Variants in ACBD6 observed in about 807,000 individuals in gnomAD.
ACBD6 encodes the protein acyl-CoA-binding domain-containing protein 6.
Under a neutral mutation model 37.2 loss-of-function variants are expected in ACBD6, and 28 were observed. The observed-to-expected ratio is 0.75, with a 90% confidence interval of 0.56 to 1.03. The LOEUF (loss-of-function observed/expected upper bound fraction) is 1.03, where lower values mean the gene tolerates loss of function less well. Among genes scored for constraint, ACBD6 ranks in the 50% least tolerant of loss-of-function variants. The pLI, the probability that ACBD6 is intolerant of heterozygous loss-of-function variation, is 0.00. For synonymous variants in ACBD6, 113 were observed against 126.8 expected (o/e 0.89, Z 0.73); for missense variants, 340 against 337.4 (o/e 1.01, Z -0.06).
chr1:180,322,097 T>C (rs1651097577), intron 6 of ACBD6, among the ~76,000 whole-genome samples: 1 of 152,170 alleles, frequency 6.6e-6, no homozygotes, highest in Non-Finnish European at 1.5e-5. Flanking sequence ...TCAAATACTT[T>C]TTCAGCATCA....
At chr1:180,395,913 G>C (rs371604097) in intron 6 of ACBD6, among the ~76,000 whole-genome samples, 3 of 152,144 alleles carry the variant, frequency 2.0e-5, no homozygotes, top group African/African-American at 7.2e-5. Context: ...AAGTGCCACA[G>C]ATATTGGAAT....
intron 7 of ACBD6, among the ~76,000 whole-genome samples, chr1:180,292,792 T>C (rs1184216819): frequency 6.6e-6 from 1 of 152,230 alleles, no homozygotes; most frequent in Admixed American, 6.5e-5. Context: ...AGTGGATATC[T>C]TTGTCCACAG....
chr1:180,373,257 C>G (rs1266770399), intron 6 of ACBD6, among the ~76,000 whole-genome samples: 1 of 152,140 alleles, frequency 6.6e-6, no homozygotes, highest in Non-Finnish European at 1.5e-5. Context: ...CTAATTTCAG[C>G]TTTCCAAACA....
At chr1:180,355,337 C>T (rs947373501) in intron 6 of ACBD6, among the ~76,000 whole-genome samples, 17 of 152,272 alleles carry the variant, frequency 1.1e-4, no homozygotes, top group Non-Finnish European at 2.4e-4. Flanking sequence ...TATCTTCATA[C>T]GTATATGGAG....
intron 4 of ACBD6, among the ~76,000 whole-genome samples, chr1:180,424,580 T>G (rs185682022): frequency 1.7e-4 from 26 of 152,316 alleles, no homozygotes; most frequent in Admixed American, 8.5e-4. Context: ...ATTACTGTAA[T>G]GGATACAGTA....
Position 180,447,347 on chromosome 1 carries a change from C to T in ACBD6, c.385-17085G>A, listed in dbSNP as rs147998089. On this transcript the variant is annotated intron_variant, in intron 3 of 7. Transcript: ENST00000367595. ...TTTTACATATAATTAATATGGTCAA[C>T]AGAACTCCGAAGATTCTCTTATAGT... 7.8e-4 allele frequency among the ~76,000 whole-genome samples: 119 copies of T among 152,204 alleles called. 1 individual carries two copies. In the Middle Eastern group the frequency reaches 0.01, roughly 13 times the overall value.
intron 6 of ACBD6, among the ~76,000 whole-genome samples, chr1:180,342,006 C>T (rs1652001865): frequency 6.6e-6 from 1 of 152,136 alleles, no homozygotes; most frequent in Non-Finnish European, 1.5e-5. Flanking sequence ...TTCTTGTTTG[C>T]TGTGTTCCTC....
chr1:180,483,350 C>T (rs1396116774), intron 3 of ACBD6, among the ~76,000 whole-genome samples: 1 of 152,172 alleles, frequency 6.6e-6, no homozygotes, highest in Non-Finnish European at 1.5e-5. Flanking sequence ...CCCTATCCTT[C>T]TTCCCTGCTT....
At chr1:180,502,023 C>A (rs1652001761) in intron 1 of ACBD6, 22 bp downstream of exon 1, 1 of 1,610,592 alleles carries the variant, frequency 6.2e-7, no homozygotes, top group Non-Finnish European at 8.5e-7. Flanking sequence ...CTCCCCCATC[C>A]ACCCTCTCCC....
At chr1:180,374,385 C>T in intron 6 of ACBD6, among the ~76,000 whole-genome samples, 1 of 152,130 alleles carries the variant, frequency 6.6e-6, no homozygotes, top group East Asian at 1.9e-4. Flanking sequence ...ATTTCTTCCT[C>T]AGTACCTGAA....
intron 6 of ACBD6, among the ~76,000 whole-genome samples, chr1:180,381,275 T>C (rs1440494149): frequency 6.6e-6 from 1 of 152,210 alleles, no homozygotes; most frequent in East Asian, 1.9e-4. Flanking sequence ...TTGGGGACTT[T>C]AATACACCAT....
chr1:180,486,783 G>C (rs1477470107), intron 3 of ACBD6, among the ~76,000 whole-genome samples: 1 of 152,154 alleles, frequency 6.6e-6, no homozygotes, highest in Non-Finnish European at 1.5e-5. Context: ...TCATAGTAAA[G>C]AAGTCTGGCA....
chr1:180,484,679 CGTCT>C (rs994856837), intron 3 of ACBD6, among the ~76,000 whole-genome samples: 2 of 148,438 alleles, frequency 1.3e-5, no homozygotes, highest in Admixed American at 1.3e-4. Flanking sequence ...CATGTATACA[CGTCT>C]GTGTCTACAA....
chr1:180,364,375 T>C (rs989344159), intron 6 of ACBD6, among the ~76,000 whole-genome samples: 6 of 152,234 alleles, frequency 3.9e-5, no homozygotes, highest in East Asian at 1.9e-4. Flanking sequence ...AAAAGGGACA[T>C]TGATTCAGTA....
At position 180,333,404 on chromosome 1, in the gene ACBD6, T is replaced by C. The variant is rs554333689; in HGVS notation, c.664-18682A>G. Among the ~76,000 whole-genome samples, 13 of 152,286 alleles carry C rather than the reference T, an allele frequency of 8.5e-5. No homozygotes were observed. The South Asian group carries it at 2.5e-3, about 29-fold the overall frequency. On this transcript the variant is annotated intron_variant, in intron 6 of 7. Coordinates refer to ENST00000367595, the MANE Select transcript of ACBD6 (RefSeq NM_032360.4). ...ATATGCTATTGCATGCTCATGACAATGAGTATGAAAAAGGCAAATAATGTC... is the reference window on the plus strand; with the variant it reads ...ATATGCTATTGCATGCTCATGACAACGAGTATGAAAAAGGCAAATAATGTC...
chr1:180,380,787 AT>A (rs1358829002), intron 6 of ACBD6, among the ~76,000 whole-genome samples: 1 of 152,164 alleles, frequency 6.6e-6, no homozygotes, highest in Non-Finnish European at 1.5e-5. Flanking sequence ...ATGATAAAAA[AT>A]AAGAGAGAAA....
intron 6 of ACBD6, among the ~76,000 whole-genome samples, chr1:180,388,238 C>T (rs1422211299): frequency 1.3e-5 from 2 of 151,226 alleles, no homozygotes; most frequent in African/African-American, 2.4e-5. Context: ...TTTCTCAATT[C>T]TTGAGGTCCC....
At chr1:180,415,893 T>C (rs1288252289) in intron 4 of ACBD6, among the ~76,000 whole-genome samples, 1 of 152,250 alleles carries the variant, frequency 6.6e-6, no homozygotes, top group African/African-American at 2.4e-5. Flanking sequence ...TTTTTTTTGC[T>C]ATGTGAATTT....
In ACBD6 at chr1:180,413,383, T is replaced by TCACATC; in HGVS notation, c.550_555dup (p.Asp184_Val185dup). Reference sequence around the variant, plus strand: ...TTTCATACCTCTTCATCTTTCACATTCACATCCACATTTTTCGATTTGATG... The same window carrying TCACATC: ...TTTCATACCTCTTCATCTTTCACATTCACATCCACATCCACATTTTTCGATTTGATG... On this transcript the variant is annotated inframe_insertion, in exon 5 of 8. Transcript: ENST00000367595. The TCACATC allele has an allele frequency of 1.2e-6, 2 of 1,612,992 alleles. No individual in the cohort carries two copies. Among genetic ancestry groups the TCACATC allele is most frequent in the Non-Finnish European group, 1.7e-6 (2 of 1,179,218 alleles).
Sources: allele counts gnomAD v4.1 joint callset (sites outside exome capture counted in the v4.1 genomes callset), GRCh38; gene constraint gnomAD v4.1.1; transcripts MANE v1.5; gene names NCBI Gene and HGNC (gene_info 2026-07-23, HGNC 2026-07-21).